RANBP2: variants seen among roughly 807,000 people sequenced by gnomAD.
RANBP2 encodes the protein E3 SUMO-protein ligase RanBP2.
A neutral mutation model predicts 303.6 loss-of-function variants in RANBP2; 57 were observed. That is an observed-to-expected ratio of 0.19 (90% CI 0.15 to 0.23). RANBP2 has a LOEUF of 0.23. RANBP2 is among the 10% of genes least tolerant of loss of function. RANBP2 has a pLI of 1.00. For synonymous variants in RANBP2, 1,167 were observed against 1,301.5 expected (o/e 0.90, Z 2.23); for missense variants, 3,138 against 3,780.8 (o/e 0.83, Z 4.46).
chr2:109,220,298 A>C, the RANBP2 span, among the ~76,000 whole-genome samples: 12 of 152,364 alleles, frequency 7.9e-5, no homozygotes, highest in African/African-American at 2.9e-4. Context: ...AGATCTCAAC[A>C]TAAGAGCTAA....
chr2:109,598,277 A>G, the RANBP2 span, among the ~76,000 whole-genome samples: 46 of 152,034 alleles, frequency 3.0e-4, no homozygotes, highest in African/African-American at 1.1e-3. Context: ...CACGTTGGTT[A>G]GGCTAGTCTC....
the RANBP2 span, among the ~76,000 whole-genome samples, chr2:109,133,722 A>AT: frequency 5.7e-3 from 735 of 128,838 alleles, 8 homozygotes; most frequent in Middle Eastern, 0.026. Flanking sequence ...CCAAGGGACA[A>AT]TTTTTTTTTT....
At chr2:109,374,115 C>T in the RANBP2 span, among the ~76,000 whole-genome samples, 201 of 152,282 alleles carry the variant, frequency 1.3e-3, no homozygotes, top group Non-Finnish European at 2.2e-3. Flanking sequence ...CCTGCCCCCA[C>T]ACCCCCTCAC....
chr2:109,584,294 A>G, the RANBP2 span, among the ~76,000 whole-genome samples: 1 of 30,776 alleles, frequency 3.2e-5, no homozygotes, highest in Non-Finnish European at 7.3e-5. Context: ...CTGGCCAACA[A>G]GGTGAAACCC....
At chr2:108,809,743 T>A in the RANBP2 span, among the ~76,000 whole-genome samples, 1 of 152,212 alleles carries the variant, frequency 6.6e-6, no homozygotes, top group African/African-American at 2.4e-5. Flanking sequence ...TTTCGGTTTC[T>A]TTGCATTGAA....
the RANBP2 span, among the ~76,000 whole-genome samples, chr2:109,192,982 C>G: frequency 6.6e-6 from 1 of 152,200 alleles, no homozygotes; most frequent in African/African-American, 2.4e-5. Flanking sequence ...TGATGAACCT[C>G]TTGTGACTTG....
chr2:109,106,471 A>G, the RANBP2 span, among the ~76,000 whole-genome samples: 5 of 152,302 alleles, frequency 3.3e-5, no homozygotes, highest in South Asian at 8.3e-4. Context: ...CTGGGAATTC[A>G]TAACTACCTA....
the RANBP2 span, among the ~76,000 whole-genome samples, chr2:109,302,954 G>A: frequency 7.9e-5 from 12 of 152,176 alleles, no homozygotes; most frequent in East Asian, 2.1e-3. Context: ...TTAGCTCACT[G>A]CAACCTCTGC....
the RANBP2 span, among the ~76,000 whole-genome samples, chr2:109,034,454 C>T: frequency 2.6e-5 from 4 of 152,058 alleles, 1 homozygote; most frequent in Admixed American, 1.3e-4. Flanking sequence ...AAGTGAGGAA[C>T]GTGGAGTATT....
At chr2:109,392,104 C>T in the RANBP2 span, among the ~76,000 whole-genome samples, 2,186 of 152,342 alleles carry the variant, frequency 0.014, 61 homozygotes, top group African/African-American at 0.046. Context: ...ACATGAGCCA[C>T]TGTGCCTAGC....
the RANBP2 span, among the ~76,000 whole-genome samples, chr2:109,419,166 T>C: frequency 2.0e-5 from 3 of 152,204 alleles, no homozygotes. Context: ...AAATAAGCTC[T>C]GTTTCATAGC....
At chr2:109,047,496 AAAACAAAC>A in the RANBP2 span, among the ~76,000 whole-genome samples, 33 of 152,272 alleles carry the variant, frequency 2.2e-4, no homozygotes, top group African/African-American at 5.8e-4. Context: ...GGCTCAAAGA[AAAACAAAC>A]AAACAAACAA....
At chr2:108,723,432 A>G (rs906781986) in intron 1 of RANBP2, among the ~76,000 whole-genome samples, 9 of 150,534 alleles carry the variant, frequency 6.0e-5, no homozygotes, top group Admixed American at 6.0e-4. Context: ...CCGCCACCAC[A>G]CCCGGCTAAT....
At chr2:109,150,848 C>A in the RANBP2 span, among the ~76,000 whole-genome samples, 1 of 152,032 alleles carries the variant, frequency 6.6e-6, no homozygotes, top group Non-Finnish European at 1.5e-5. Flanking sequence ...TGTGCTTTTA[C>A]CATACTATAA....
At chr2:108,876,790 T>A in the RANBP2 span, among the ~76,000 whole-genome samples, 1 of 152,220 alleles carries the variant, frequency 6.6e-6, no homozygotes, top group African/African-American at 2.4e-5. Context: ...TAAAAACTTT[T>A]GTTTTCAAAA....
At chr2:109,461,454 C>T in the RANBP2 span, among the ~76,000 whole-genome samples, 1 of 135,486 alleles carries the variant, frequency 7.4e-6, no homozygotes, top group Non-Finnish European at 1.6e-5. Flanking sequence ...CGCGGTGATC[C>T]ACCTGCCAGA....
the RANBP2 span, among the ~76,000 whole-genome samples, chr2:109,160,723 T>C: frequency 5.3e-5 from 8 of 152,144 alleles, no homozygotes; most frequent in Admixed American, 3.9e-4. Context: ...CTGTCCCTGC[T>C]CCTACTCTGG....
At chr2:109,692,022 T>C in the RANBP2 span, among the ~76,000 whole-genome samples, 2 of 152,038 alleles carry the variant, frequency 1.3e-5, no homozygotes, top group Admixed American at 1.3e-4. Context: ...GACCTCATGA[T>C]CCACCCGCCT....
the RANBP2 span, chr2:109,585,840 T>A: frequency 2.5e-6 from 4 of 1,611,588 alleles, no homozygotes; most frequent in Middle Eastern, 1.7e-4. Flanking sequence ...TTCTCTTTTC[T>A]GAAGGAAAAT....
Sources: allele counts gnomAD v4.1 joint callset (sites outside exome capture counted in the v4.1 genomes callset), GRCh38; gene constraint gnomAD v4.1.1; transcripts MANE v1.5; gene names NCBI Gene and HGNC (gene_info 2026-07-23, HGNC 2026-07-21).